The following ABRAXAS1 variants were observed in gnomAD, a reference collection of about 807,000 sequenced individuals.
ABRAXAS1 encodes BRCA1-A complex subunit Abraxas 1.
A neutral mutation model predicts 38.4 loss-of-function variants in ABRAXAS1; 26 were observed. That is an observed-to-expected ratio of 0.68 (90% CI 0.50 to 0.94). The LOEUF (loss-of-function observed/expected upper bound fraction) is 0.94. ABRAXAS1 is among the 40% of genes least tolerant of loss of function. ABRAXAS1 has a pLI of 0.00. For synonymous variants in ABRAXAS1, 144 were observed against 165.5 expected (o/e 0.87, Z 1.00); for missense variants, 438 against 481.9 (o/e 0.91, Z 0.85).
Position 83,462,172 on chromosome 4 carries a change from TGTGAGCCACTGTGC to T in ABRAXAS1, c.*283_*296del, listed in dbSNP as rs1722142261. 1.8e-5 allele frequency: 6 copies of T among 342,066 alleles called. No homozygotes were observed. In the East Asian group the frequency reaches 3.0e-4, roughly 17 times the overall value. 21.2% of individuals were successfully genotyped at this position (342,066 alleles called of 1,614,324 possible). ...CTTCCCTAAGTGCTGGGATTACAGG[TGTGAGCCACTGTGC>T]CTGGTCTCACTTTTCCAATTCTAAA... On this transcript the variant is annotated 3_prime_UTR_variant, in exon 9 of 9. Transcript: ENST00000321945.
At position 83,469,053 on chromosome 4, in the gene ABRAXAS1, C is replaced by T. The variant is rs368006283; in HGVS notation, c.575G>A (p.Ser192Asn). The T allele has an allele frequency of 5.0e-5, 80 of 1,613,184 alleles. No individual in the cohort carries two copies. Among genetic ancestry groups the T allele is most frequent in the Non-Finnish European group, 6.4e-5 (76 of 1,179,978 alleles). ...TTACCTGTGTGTTTGTACTGCTCGG[C>T]TAAAACCAGTGGACATACAGGAACC... ...VSGSCMSTGF[S>N]RAVQTHSSKF... The change falls in exon 6 of 9, where the codon AGC (serine) becomes AAC (asparagine). Residue 192 changes from serine to asparagine, a missense_variant. Physicochemically the swap from Ser to Asn is conservative, Grantham distance 46. This residue lies in a region of ABRAXAS1 where 194 missense variants were observed against 269.0 expected (regional missense o/e 0.72). Coordinates refer to ENST00000321945, the MANE Select transcript of ABRAXAS1 (RefSeq NM_139076.3).
intron 2 of ABRAXAS1, among the ~76,000 whole-genome samples, chr4:83,480,868 C>T (rs535879671): frequency 1.7e-4 from 26 of 152,284 alleles, no homozygotes; most frequent in African/African-American, 5.3e-4. Context: ...TGGTGGCTCA[C>T]GCCTGTCATC....
In ABRAXAS1 at chr4:83,485,044, A is replaced by G. The variant is rs776746789; in HGVS notation, c.29T>C (p.Leu10Pro). 2 of 1,595,352 alleles carry G rather than the reference A, an allele frequency of 1.3e-6. No individual in the cohort carries two copies. Among genetic ancestry groups the G allele is most frequent in the African/African-American group, 1.4e-5 (1 of 72,432 alleles). MEGESTSAV[L>P]SGFVLGALAF... is the part of the protein sequence containing the mutation. ...GAGTGCGCCGAGCACAAAGCCCGAG[A>G]GCACCGCCGACGTACTCTCCCCCTC... Residue 10 changes from leucine (L) to proline (P), a missense_variant, in exon 1 of 9, where the codon CTC (leucine) becomes CCC (proline). Transcript: ENST00000321945.
intron 1 of ABRAXAS1, among the ~76,000 whole-genome samples, chr4:83,482,849 C>G (rs1394860871): frequency 6.6e-6 from 1 of 152,070 alleles, no homozygotes; most frequent in Non-Finnish European, 1.5e-5. Context: ...TTTGTGTAGG[C>G]AGAGCATGAA....
intron 1 of ABRAXAS1, among the ~76,000 whole-genome samples, chr4:83,484,448 TA>T (rs1311318463): frequency 6.6e-6 from 1 of 152,238 alleles, no homozygotes; most frequent in Non-Finnish European, 1.5e-5. Context: ...ATAACGCAAA[TA>T]AAAAGATATC....
intron 6 of ABRAXAS1, 66 bp downstream of exon 6, chr4:83,468,966 T>A (rs912026773): frequency 6.4e-7 from 1 of 1,565,052 alleles, no homozygotes; most frequent in African/African-American, 1.4e-5. Context: ...CTGCTGTTGT[T>A]TGAGAAATAA....
chr4:83,470,699 A>T (rs952725384), intron 4 of ABRAXAS1, among the ~76,000 whole-genome samples: 1 of 152,158 alleles, frequency 6.6e-6, no homozygotes, highest in Non-Finnish European at 1.5e-5. Context: ...CTCACTCTTT[A>T]GTCAAAATTT....
intron 1 of ABRAXAS1, among the ~76,000 whole-genome samples, chr4:83,483,377 C>T (rs1189108520): frequency 4.0e-5 from 6 of 151,160 alleles, no homozygotes; most frequent in Admixed American, 4.0e-4. Flanking sequence ...ACCTCCCAGG[C>T]TCAAACAATC....
rs1326162379 is a variant in ABRAXAS1 at position 83,459,808 on chromosome 4, T to C, written c.*2661A>G. On this transcript the variant is annotated 3_prime_UTR_variant, in exon 9 of 9. Coordinates refer to ENST00000321945, the MANE Select transcript of ABRAXAS1 (RefSeq NM_139076.3). ...GAAGGCACATTACAGGTATGTTCTT[T>C]TTTATTATGGGAATATAAATGTAGA... The C allele has an allele frequency of 5.7e-6, 9 of 1,569,946 alleles. No homozygotes were observed. Among genetic ancestry groups the C allele is most frequent in the Non-Finnish European group, 7.0e-6 (8 of 1,148,396 alleles).
rs535542234 is a variant in ABRAXAS1 at position 83,460,821 on chromosome 4, G to A, written c.*1648C>T. On this transcript the variant is annotated 3_prime_UTR_variant, in exon 9 of 9. Coordinates refer to ENST00000321945, the MANE Select transcript of ABRAXAS1 (RefSeq NM_139076.3). ...CTAAGGAGGCTGAGGCAAGATAATC[G>A]ATTGAGCCTGGGTGGCGGAGGTTGC... is the stretch of plus-strand genomic sequence containing the variant. 2.9e-4 allele frequency: 182 copies of A among 627,564 alleles called. No homozygotes were observed. The highest frequency in any genetic ancestry group is 4.9e-4 in the Non-Finnish European group (171 of 351,586). 38.9% of individuals were successfully genotyped at this position (627,564 alleles called of 1,614,324 possible).
chr4:83,463,682 A>G, intron 7 of ABRAXAS1, 74 bp from the exon 8 acceptor site: 1 of 761,358 alleles, frequency 1.3e-6, no homozygotes, highest in Non-Finnish European at 2.0e-6. Context: ...ATTCACAAAT[A>G]ATATAAAATC....
At chr4:83,469,951 C>T in intron 5 of ABRAXAS1, 1 of 323,162 alleles carries the variant, frequency 3.1e-6, no homozygotes. Flanking sequence ...TTTTTTCCAC[C>T]TTAAGTAGTA....
chr4:83,476,182 A>G (rs558554116), intron 3 of ABRAXAS1, among the ~76,000 whole-genome samples: 129 of 152,340 alleles, frequency 8.5e-4, no homozygotes, highest in Non-Finnish European at 1.5e-3. Flanking sequence ...AGCCTGAGTG[A>G]CAGAGTGAGA....
At chr4:83,470,473 A>C in intron 4 of ABRAXAS1, 77 bp from the exon 5 acceptor site, 1 of 1,046,212 alleles carries the variant, frequency 9.6e-7, no homozygotes, top group Non-Finnish European at 1.3e-6. Flanking sequence ...AAATAAAATA[A>C]ACAACCTTAA....
intron 2 of ABRAXAS1, chr4:83,480,266 G>T: frequency 3.0e-6 from 1 of 328,012 alleles, no homozygotes; most frequent in South Asian, 2.2e-5. Context: ...CAGCTACTCC[G>T]GAGGCCGAGG....
chr4:83,466,530 T>C (rs985810453), intron 7 of ABRAXAS1, among the ~76,000 whole-genome samples: 2 of 145,726 alleles, frequency 1.4e-5, no homozygotes, highest in African/African-American at 4.9e-5. Flanking sequence ...CTGTTGTGAA[T>C]TTCCACTAGT....
Position 83,462,206 on chromosome 4 carries a change from T to A in ABRAXAS1, c.*263A>T. The stretch of plus-strand genomic sequence containing the variant: ...CTGTGCCTGGTCTCACTTTTCCAAT[T>A]CTAAAGAATGTGTCTGTGTAAGCCT... On this transcript the variant is annotated 3_prime_UTR_variant, in exon 9 of 9. Coordinates refer to ENST00000321945, the MANE Select transcript of ABRAXAS1 (RefSeq NM_139076.3). 1 of 384,628 alleles carries A rather than the reference T, an allele frequency of 2.6e-6. No homozygotes were observed. Among genetic ancestry groups the A allele is most frequent in the Non-Finnish European group, 4.6e-6 (1 of 215,508 alleles). 23.8% of individuals were successfully genotyped at this position (384,628 alleles called of 1,614,324 possible). A position where few individuals can be genotyped will look rare whatever the true frequency, so the allele number is the denominator to read the frequency against.
chr4:83,460,670 G>GGC lies in ABRAXAS1; in HGVS notation c.*1798_*1799insGC. 3.3e-6 allele frequency: 1 copy of GGC among 303,918 alleles called. No individual in the cohort carries two copies. The highest frequency in any genetic ancestry group is 6.2e-6 in the Non-Finnish European group (1 of 160,238). 18.8% of individuals were successfully genotyped at this position (303,918 alleles called of 1,614,324 possible). The stretch of plus-strand genomic sequence containing the variant: ...TGTAATCCCAGCACTTTGGGAGGCT[G>GGC]AGGTGGGCAGATCACCTGAGGCCAG... On this transcript the variant is annotated 3_prime_UTR_variant, in exon 9 of 9. Coordinates refer to ENST00000321945, the MANE Select transcript of ABRAXAS1 (RefSeq NM_139076.3).
At chr4:83,479,185 C>T (rs763325870) in intron 2 of ABRAXAS1, 4 of 152,056 alleles carry the variant, frequency 2.6e-5, no homozygotes, top group Admixed American at 6.6e-5. Context: ...GGCAGATCAC[C>T]TGAGGTCAGG....
Sources: allele counts gnomAD v4.1 joint callset (sites outside exome capture counted in the v4.1 genomes callset), GRCh38; gene constraint gnomAD v4.1.1; regional missense constraint gnomAD v4.1.1; transcripts MANE v1.5; gene names NCBI Gene and HGNC (gene_info 2026-07-23, HGNC 2026-07-21).